Variants in SUSD1 observed in about 807,000 individuals in gnomAD.
SUSD1 encodes the protein sushi domain containing 1.
Under a neutral mutation model 86.9 loss-of-function variants are expected in SUSD1, and 65 were observed. That is an observed-to-expected ratio of 0.75 (90% CI 0.61 to 0.92). SUSD1 has a LOEUF of 0.92. SUSD1 is among the 40% of genes least tolerant of loss of function. The pLI is 0.00. For synonymous variants in SUSD1, 346 were observed against 350.0 expected (o/e 0.99, Z 0.13); for missense variants, 850 against 929.7 (o/e 0.91, Z 1.11).
chr9:112,134,606 G>A (rs1028144775), intron 5 of SUSD1, among the ~76,000 whole-genome samples: 5 of 152,122 alleles, frequency 3.3e-5, no homozygotes, highest in African/African-American at 1.2e-4. Context: ...GACAAATAGA[G>A]GGAGGAGGGA....
chr9:112,071,621 C>T (rs1829275067), intron 12 of SUSD1, among the ~76,000 whole-genome samples: 1 of 151,884 alleles, frequency 6.6e-6, no homozygotes, highest in African/African-American at 2.4e-5. Context: ...ATGTAAAACC[C>T]ATCAAAATGA....
At chr9:112,081,980 T>G (rs1376290627) in intron 10 of SUSD1, among the ~76,000 whole-genome samples, 1 of 152,128 alleles carries the variant, frequency 6.6e-6, no homozygotes, top group Non-Finnish European at 1.5e-5. Context: ...TTTAATAGGG[T>G]TTATAAGAAA....
intron 8 of SUSD1, among the ~76,000 whole-genome samples, chr9:112,110,661 G>T (rs900959738): frequency 1.3e-5 from 2 of 151,586 alleles, no homozygotes; most frequent in Non-Finnish European, 2.9e-5. Flanking sequence ...AAAGTGCAGG[G>T]ATTACAGACA....
At chr9:112,091,179 T>C (rs1010833626) in intron 10 of SUSD1, among the ~76,000 whole-genome samples, 1 of 152,202 alleles carries the variant, frequency 6.6e-6, no homozygotes, top group South Asian at 2.1e-4. Flanking sequence ...CTCAGGCTAA[T>C]GGTTTGTAAG....
intron 1 of SUSD1, among the ~76,000 whole-genome samples, chr9:112,165,963 AAG>A (rs1180324178): frequency 3.3e-5 from 5 of 151,096 alleles, no homozygotes; most frequent in Non-Finnish European, 7.4e-5. Flanking sequence ...GAAAGAAAGA[AAG>A]AAAGAAAGAA....
chr9:112,117,655 A>C (rs1422257509), intron 6 of SUSD1, among the ~76,000 whole-genome samples: 6 of 152,146 alleles, frequency 3.9e-5, no homozygotes, highest in Non-Finnish European at 5.9e-5. Flanking sequence ...CTAAATACGT[A>C]AGTCATTATA....
chr9:112,069,146 C>A (rs1417228570), intron 12 of SUSD1, among the ~76,000 whole-genome samples: 1 of 48,370 alleles, frequency 2.1e-5, no homozygotes, highest in South Asian at 5.0e-4. Flanking sequence ...AGATGGGGGC[C>A]AAGGGCGGAC....
chr9:112,165,576 A>AT (rs1394726725), intron 1 of SUSD1, among the ~76,000 whole-genome samples: 2 of 151,626 alleles, frequency 1.3e-5, no homozygotes, highest in African/African-American at 2.4e-5. Context: ...CACTCGGCTA[A>AT]TTTTTTTATT....
intron 11 of SUSD1, 90 bp from the exon 12 acceptor site, chr9:112,078,814 T>A: frequency 5.3e-6 from 4 of 755,744 alleles, no homozygotes; most frequent in Non-Finnish European, 5.5e-6. Context: ...TCTTTCTCTT[T>A]TTTTTTTTTT....
At chr9:112,070,354 C>G (rs1280654931) in intron 12 of SUSD1, among the ~76,000 whole-genome samples, 1 of 152,202 alleles carries the variant, frequency 6.6e-6, no homozygotes, top group Non-Finnish European at 1.5e-5. Context: ...AATGTACAAG[C>G]CTAAGCCTCG....
chr9:112,148,827 A>G (rs1832917387), intron 3 of SUSD1, among the ~76,000 whole-genome samples: 1 of 151,488 alleles, frequency 6.6e-6, no homozygotes, highest in African/African-American at 2.4e-5. Context: ...AATCGCTTGA[A>G]CCCAGGAGGC....
chr9:112,049,620 G>A (rs1828104418), intron 15 of SUSD1, among the ~76,000 whole-genome samples: 1 of 152,220 alleles, frequency 6.6e-6, no homozygotes, highest in South Asian at 2.1e-4. Flanking sequence ...CTTGGCACGA[G>A]TGAACTGGCA....
In SUSD1 at chr9:112,081,419, A is replaced by T. The variant is rs550088336; in HGVS notation, c.1475-1254T>A. 3.2e-4 allele frequency among the ~76,000 whole-genome samples: 48 copies of T among 152,336 alleles called. 1 individual carries two copies. The South Asian group carries it at 8.7e-3, about 28-fold the overall frequency. Reference sequence around the variant, plus strand: ...TCAAATGTTGCAACACGGAGCAGGTAGGGAACAGGAGGAAAAGATGAACAG... The same window carrying T: ...TCAAATGTTGCAACACGGAGCAGGTTGGGAACAGGAGGAAAAGATGAACAG... On this transcript the variant is annotated intron_variant, in intron 10 of 16. Transcript: ENST00000374270.
chr9:112,108,774 C>CAAAAAA (rs11312103), intron 8 of SUSD1, among the ~76,000 whole-genome samples: 1 of 68,598 alleles, frequency 1.5e-5, no homozygotes, highest in African/African-American at 4.8e-5. Flanking sequence ...CTGGGTGTCT[C>CAAAAAA]AAAAAAAAAA....
rs781030449 is a variant in SUSD1, at chr9:112,163,145, G to GGTTT, written c.104-5536_104-5533dup. On this transcript the variant is annotated intron_variant, in intron 1 of 16. Transcript: ENST00000374270. ...CTCACACCTGTAATCTCATCACTTTGGTTTGTTTGTTTGTTTGTTGAGACA... is the reference window on the plus strand; with the variant it reads ...CTCACACCTGTAATCTCATCACTTTGGTTTGTTTGTTTGTTTGTTTGTTGAGACA... Among the ~76,000 whole-genome samples, 218 of 151,912 alleles carry GGTTT rather than the reference G, an allele frequency of 1.4e-3. 1 individual carries two copies. Among genetic ancestry groups the GGTTT allele is most frequent in the Middle Eastern group, 6.8e-3 (2 of 294 alleles).
chr9:112,113,221 C>A lies in SUSD1; in HGVS notation c.887-353G>T, dbSNP rs552512931. The stretch of plus-strand genomic sequence containing the variant: ...TGGGTCCTCAGTGAGACCTTCCCTG[C>A]AACTGCACAGGTAAGACCTACTTCC... On this transcript the variant is annotated intron_variant, in intron 6 of 16. Coordinates refer to ENST00000374270, the MANE Select transcript of SUSD1 (RefSeq NM_022486.5). The surrounding 1 kb of genome is among the most constrained non-coding windows in gnomAD (Gnocchi z 4.1). Among the ~76,000 whole-genome samples the A allele has an allele frequency of 2.6e-4, 40 of 152,332 alleles. 2 individuals are homozygous for A. The highest frequency in any genetic ancestry group is 6.8e-3 in the Middle Eastern group (2 of 294).
chr9:112,121,220 T>C (rs546548457), intron 6 of SUSD1, among the ~76,000 whole-genome samples: 8 of 152,314 alleles, frequency 5.3e-5, no homozygotes, highest in African/African-American at 1.4e-4. Flanking sequence ...TATCCAGCTC[T>C]ACCCTTCTTT....
chr9:112,071,695 T>C (rs953305331), intron 12 of SUSD1, among the ~76,000 whole-genome samples: 5 of 152,098 alleles, frequency 3.3e-5, no homozygotes, highest in Non-Finnish European at 5.9e-5. Context: ...GTCTCCAACT[T>C]TGTACTGCAA....
At chr9:112,149,995 G>A (rs1442314235) in intron 2 of SUSD1, among the ~76,000 whole-genome samples, 1 of 152,228 alleles carries the variant, frequency 6.6e-6, no homozygotes, top group African/African-American at 2.4e-5. Context: ...TGAGTCCCCA[G>A]AAGCTTGCCC....
Sources: gnomAD v4.1 joint callset for allele counts (sites outside exome capture counted in the v4.1 genomes callset) on GRCh38, gnomAD v4.1.1 for gene constraint, Gnocchi (gnomAD v3.1) non-coding constraint, MANE v1.5 for transcripts, NCBI Gene and HGNC (gene_info 2026-07-23, HGNC 2026-07-21) for gene names.